Variants in DPP6 observed in about 807,000 individuals in gnomAD.
DPP6 encodes the protein A-type potassium channel modulatory protein DPP6.
DPP6 carries 69 observed loss-of-function variants against 122.6 expected under a neutral mutation model. The ratio of observed to expected loss-of-function variants is 0.56; its 90% CI spans 0.46 to 0.69. The LOEUF is 0.69. Among genes scored for constraint, DPP6 ranks in the 30% least tolerant of loss-of-function variants. The probability of loss-of-function intolerance (pLI) is 0.00; values close to 1 mark genes in which losing one functional copy is unlikely to be tolerated. For missense variants in DPP6, 928 were observed against 1,116.9 expected (o/e 0.83, Z 2.41); for synonymous variants, 418 against 433.1 (o/e 0.97, Z 0.43).
the DPP6 span, among the ~76,000 whole-genome samples, chr7:153,814,396 ACT>A: frequency 0.72 from 109,375 of 151,730 alleles, 40,298 homozygotes; most frequent in African/African-American, 0.88. Context: ...CCCTCCCAAG[ACT>A]CTAAACCAGG....
At chr7:154,525,842 G>GT (rs1305515343) in intron 3 of DPP6, among the ~76,000 whole-genome samples, 7 of 151,700 alleles carry the variant, frequency 4.6e-5, no homozygotes, top group African/African-American at 1.7e-4. Context: ...ATGCAAATGA[G>GT]TTACTGATCT....
rs571819824 is a variant in DPP6 at position 154,391,719 on chromosome 7, G to C, written c.244-54495G>C. Among the ~76,000 whole-genome samples, 5 of 152,254 alleles carry C rather than the reference G, an allele frequency of 3.3e-5. No individual in the cohort carries two copies. The East Asian group carries it at 9.7e-4, about 29-fold the overall frequency. On this transcript the variant is annotated intron_variant, in intron 1 of 25. Coordinates refer to ENST00000377770, the MANE Select transcript of DPP6 (RefSeq NM_130797.4). ...ATAGATGCTTATCAGCAAAGATGTT[G>C]GTTCTTCCCAATGGTGAGGATAAAG...
intron 4 of DPP6, among the ~76,000 whole-genome samples, chr7:154,549,905 G>C (rs1829504080): frequency 1.3e-5 from 2 of 152,148 alleles, no homozygotes; most frequent in Admixed American, 1.3e-4. Context: ...TTCAGGTACA[G>C]AGAAAGGTAA....
chr7:153,944,143 G>A (rs6948322), intron 1 of DPP6, among the ~76,000 whole-genome samples: 6 of 152,270 alleles, frequency 3.9e-5, no homozygotes, highest in Admixed American at 1.3e-4. Flanking sequence ...CCTGGAGCAC[G>A]AGCCTCGTTA....
intron 1 of DPP6, among the ~76,000 whole-genome samples, chr7:153,981,868 G>A: frequency 6.6e-6 from 1 of 151,688 alleles, no homozygotes; most frequent in Non-Finnish European, 1.5e-5. Context: ...TTGACTATTG[G>A]CCCCCACTCT....
chr7:154,531,509 A>T (rs1827833461), intron 3 of DPP6, among the ~76,000 whole-genome samples: 1 of 152,238 alleles, frequency 6.6e-6, no homozygotes, highest in Non-Finnish European at 1.5e-5. Flanking sequence ...TTTTGCCAGC[A>T]GACCCATACA....
chr7:154,370,860 G>T (rs956588630), intron 1 of DPP6, among the ~76,000 whole-genome samples: 1 of 152,170 alleles, frequency 6.6e-6, no homozygotes, highest in African/African-American at 2.4e-5. Flanking sequence ...AGGAAAGTGA[G>T]TGCGGATTTC....
At chr7:154,644,789 C>A (rs1048140606) in intron 6 of DPP6, among the ~76,000 whole-genome samples, 23 of 151,050 alleles carry the variant, frequency 1.5e-4, no homozygotes, top group African/African-American at 5.6e-4. Context: ...GCTCACTTCA[C>A]CCTCCACCTC....
intron 4 of DPP6, among the ~76,000 whole-genome samples, chr7:154,564,545 T>C (rs1042520586): frequency 6.6e-6 from 1 of 152,218 alleles, no homozygotes; most frequent in Admixed American, 6.5e-5. Context: ...ACCTATTTAA[T>C]TTTAAAATTT....
intron 1 of DPP6, among the ~76,000 whole-genome samples, chr7:153,945,233 T>C (rs1801895348): frequency 6.6e-6 from 1 of 152,216 alleles, no homozygotes; most frequent in Non-Finnish European, 1.5e-5. Flanking sequence ...TGATTGTGCA[T>C]CTGCTTTCTT....
chr7:154,192,629 G>C (rs74929667), intron 1 of DPP6, among the ~76,000 whole-genome samples: 4,600 of 152,368 alleles, frequency 0.03, 113 homozygotes, highest in African/African-American at 0.053. Context: ...GCAGAAGCTT[G>C]AGGAAGGCCA....
At chr7:154,801,048 G>A (rs116118472) in intron 12 of DPP6, among the ~76,000 whole-genome samples, 1 of 151,926 alleles carries the variant, frequency 6.6e-6, no homozygotes, top group African/African-American at 2.4e-5. Flanking sequence ...GTTCTCACTG[G>A]TGAGCTTGGC....
chr7:154,020,715 C>G (rs1036187342), intron 1 of DPP6, among the ~76,000 whole-genome samples: 4 of 152,092 alleles, frequency 2.6e-5, no homozygotes, highest in Non-Finnish European at 5.9e-5. Flanking sequence ...GACCTCCAGC[C>G]CCAAAACAGA....
intron 16 of DPP6, among the ~76,000 whole-genome samples, chr7:154,816,768 A>C (rs1461818206): frequency 6.6e-6 from 1 of 152,158 alleles, no homozygotes; most frequent in Non-Finnish European, 1.5e-5. Flanking sequence ...CCCACATGTT[A>C]GTGGGCACTC....
chr7:154,233,860 C>T (rs866047468), intron 1 of DPP6, among the ~76,000 whole-genome samples: 13 of 152,220 alleles, frequency 8.5e-5, no homozygotes, highest in Non-Finnish European at 1.5e-4. Context: ...AAAAGAGAAG[C>T]GAAGCAAAAC....
At chr7:154,358,890 G>A (rs1811493751) in intron 1 of DPP6, among the ~76,000 whole-genome samples, 1 of 152,148 alleles carries the variant, frequency 6.6e-6, no homozygotes, top group Non-Finnish European at 1.5e-5. Context: ...GTTTTTAGTA[G>A]AGATGAGGTT....
intron 1 of DPP6, among the ~76,000 whole-genome samples, chr7:154,172,148 C>CCCTGCCTGCCTG (rs10644496): frequency 2.0e-5 from 3 of 150,612 alleles, no homozygotes; most frequent in South Asian, 2.1e-4. Context: ...CTTCCTTCTT[C>CCCTGCCTGCCTG]CCTGCCTGCC....
chr7:153,812,198 C>G, the DPP6 span, among the ~76,000 whole-genome samples: 1 of 152,030 alleles, frequency 6.6e-6, no homozygotes, highest in Non-Finnish European at 1.5e-5. Context: ...ACTGGTTTAC[C>G]CTGACCCTCT....
intron 1 of DPP6, among the ~76,000 whole-genome samples, chr7:154,228,100 T>A (rs1328245391): frequency 6.6e-6 from 1 of 152,238 alleles, no homozygotes; most frequent in African/African-American, 2.4e-5. Context: ...GAATTAATAA[T>A]CAAATGGGAT....
Sources: gnomAD v4.1 joint callset for allele counts (sites outside exome capture counted in the v4.1 genomes callset) on GRCh38, gnomAD v4.1.1 for gene constraint, MANE v1.5 for transcripts, NCBI Gene and HGNC (gene_info 2026-07-23, HGNC 2026-07-21) for gene names.